The following TCF4 variants were observed in gnomAD, a reference collection of about 807,000 sequenced individuals.
TCF4 encodes transcription factor 4.
A neutral mutation model predicts 82.1 loss-of-function variants in TCF4; 3 were observed. That is an observed-to-expected ratio of 0.04 (90% CI 0.02 to 0.09). TCF4 has a LOEUF of 0.09. Among genes scored for constraint, TCF4 ranks in the 10% least tolerant of loss-of-function variants. The probability of loss-of-function intolerance (pLI) is 1.00; values close to 1 mark genes in which losing one functional copy is unlikely to be tolerated. For synonymous variants in TCF4, 276 were observed against 309.6 expected, an observed-to-expected ratio of 0.89 and a Z score of 1.14; for missense variants, 518 against 852.7, an observed-to-expected ratio of 0.61 and a Z score of 4.89.
At chr18:55,527,852 T>C (rs2097006920) in intron 3 of TCF4, among the ~76,000 whole-genome samples, 1 of 152,130 alleles carries the variant, frequency 6.6e-6, no homozygotes, top group South Asian at 2.1e-4. Context: ...CAAAAACGTA[T>C]TTTCTGTTAT....
intron 3 of TCF4, among the ~76,000 whole-genome samples, chr18:55,583,575 ACTTT>A (rs1033147802): frequency 6.6e-6 from 1 of 152,156 alleles, no homozygotes; most frequent in Non-Finnish European, 1.5e-5. Flanking sequence ...TAAACACCTT[ACTTT>A]ATTAAATATC....
intron 8 of TCF4, chr18:55,302,639 G>A (rs2068692993): frequency 1.3e-6 from 2 of 1,496,746 alleles, no homozygotes; most frequent in South Asian, 2.6e-5. Flanking sequence ...ACCCGCAGAT[G>A]TCCGCTGTGA....
chr18:55,298,800 A>T (rs558401632), intron 8 of TCF4, among the ~76,000 whole-genome samples: 15 of 152,212 alleles, frequency 9.9e-5, no homozygotes, highest in Non-Finnish European at 2.1e-4. Flanking sequence ...AATTGTCATC[A>T]AGACTGTTGA....
intron 8 of TCF4, among the ~76,000 whole-genome samples, chr18:55,306,941 A>G (rs1024737775): frequency 2.0e-5 from 3 of 152,182 alleles, no homozygotes; most frequent in Non-Finnish European, 4.4e-5. Flanking sequence ...GGCAGGGGGA[A>G]TAAAACAACT....
chr18:55,299,349 T>C (rs1271665619), intron 8 of TCF4, among the ~76,000 whole-genome samples: 1 of 151,668 alleles, frequency 6.6e-6, no homozygotes, highest in Non-Finnish European at 1.5e-5. Context: ...GAGGTGGAGG[T>C]TGCAGTGAGT....
chr18:55,544,373 A>G (rs1255634078), intron 3 of TCF4, among the ~76,000 whole-genome samples: 1 of 152,146 alleles, frequency 6.6e-6, no homozygotes. Flanking sequence ...TTATCATTCC[A>G]TTTTTGAAGA....
intron 3 of TCF4, among the ~76,000 whole-genome samples, chr18:55,519,976 T>A (rs750677032): frequency 6.6e-6 from 1 of 152,208 alleles, no homozygotes. Flanking sequence ...TTTAGTGCTA[T>A]AAGAATCTTC....
At chr18:55,230,955 T>A (rs539079575) in intron 17 of TCF4, 146 of 152,378 alleles carry the variant, frequency 9.6e-4, no homozygotes, top group African/African-American at 3.5e-3. Flanking sequence ...AAGGATGCTG[T>A]AAGACCAGGC....
At chr18:55,476,454 T>TTTTTTTGTTTTTTG (rs762160988) in intron 3 of TCF4, among the ~76,000 whole-genome samples, 3 of 151,948 alleles carry the variant, frequency 2.0e-5, no homozygotes, top group Non-Finnish European at 4.4e-5. Context: ...GCCCTCGTTG[T>TTTTTTTGTTTTTTG]TTTTTTGTTT....
intron 5 of TCF4, among the ~76,000 whole-genome samples, chr18:55,431,612 A>G (rs1399606251): frequency 6.6e-6 from 1 of 152,130 alleles, no homozygotes; most frequent in Admixed American, 6.5e-5. Flanking sequence ...TCCTTCTCTG[A>G]GGACTACCTG....
chr18:55,240,806 A>G (rs2144932051), intron 15 of TCF4, among the ~76,000 whole-genome samples: 1 of 152,360 alleles, frequency 6.6e-6, no homozygotes, highest in East Asian at 1.9e-4. Flanking sequence ...TAAACCTTTA[A>G]GAGACTTTTC....
intron 8 of TCF4, among the ~76,000 whole-genome samples, chr18:55,335,758 G>T (rs2078494867): frequency 6.6e-6 from 1 of 151,134 alleles, no homozygotes; most frequent in Admixed American, 6.6e-5. Flanking sequence ...ATTTTCAAAT[G>T]ACACTTAGAT....
At chr18:55,337,405 C>T (rs1021040057) in intron 8 of TCF4, among the ~76,000 whole-genome samples, 5 of 152,280 alleles carry the variant, frequency 3.3e-5, no homozygotes, top group East Asian at 1.9e-4. Context: ...ACATACAATT[C>T]GCTCAAGATG....
chr18:55,574,606 C>G (rs575188896), intron 3 of TCF4, among the ~76,000 whole-genome samples: 1 of 152,138 alleles, frequency 6.6e-6, no homozygotes, highest in African/African-American at 2.4e-5. Context: ...CCCAAAGTGC[C>G]GGGATTATAG....
intron 3 of TCF4, among the ~76,000 whole-genome samples, chr18:55,480,276 CAAAAAAAA>C (rs74180500): frequency 3.6e-5 from 1 of 27,680 alleles, no homozygotes; most frequent in Non-Finnish European, 6.7e-5. Context: ...GTAGGAACTC[CAAAAAAAA>C]AAAAAAAAAA....
At chr18:55,585,968 C>T in intron 2 of TCF4, 1 of 1,314,486 alleles carries the variant, frequency 7.6e-7, no homozygotes. Context: ...GTGGATAATG[C>T]ACACCTTCCC....
chr18:55,620,674 C>T (rs2097716906), intron 2 of TCF4, among the ~76,000 whole-genome samples: 1 of 152,192 alleles, frequency 6.6e-6, no homozygotes, highest in African/African-American at 2.4e-5. Flanking sequence ...CTGAAACTGC[C>T]TTAAGCTATT....
chr18:55,616,264 A>T (rs1476441480), intron 2 of TCF4, among the ~76,000 whole-genome samples: 1 of 152,096 alleles, frequency 6.6e-6, no homozygotes, highest in Non-Finnish European at 1.5e-5. Flanking sequence ...TCACTAGCAT[A>T]ATGTCCTCCA....
intron 6 of TCF4, among the ~76,000 whole-genome samples, chr18:55,354,952 G>T (rs1389487632): frequency 1.3e-5 from 2 of 152,124 alleles, no homozygotes; most frequent in African/African-American, 4.8e-5. Flanking sequence ...CAACATCTTG[G>T]GGGGATGTTG....
Sources: allele counts gnomAD v4.1 joint callset (sites outside exome capture counted in the v4.1 genomes callset), GRCh38; gene constraint gnomAD v4.1.1; transcripts MANE v1.5; gene names NCBI Gene and HGNC (gene_info 2026-07-23, HGNC 2026-07-21).